The following SEPTIN14 variants were observed in gnomAD, a reference collection of about 807,000 sequenced individuals.
SEPTIN14 encodes septin 14, also known as septin-14.
SEPTIN14 carries 40 observed loss-of-function variants against 53.6 expected under a neutral mutation model. The ratio of observed to expected loss-of-function variants is 0.75; its 90% CI spans 0.58 to 0.97. The LOEUF (loss-of-function observed/expected upper bound fraction) is 0.97. SEPTIN14 is among the 50% of genes least tolerant of loss of function. The pLI, the probability that SEPTIN14 is intolerant of heterozygous loss-of-function variation, is 0.00. For synonymous variants in SEPTIN14, 138 were observed against 166.8 expected, an observed-to-expected ratio of 0.83 and a Z score of 1.33; for missense variants, 471 against 508.2, an observed-to-expected ratio of 0.93 and a Z score of 0.70.
At chr7:55,807,916 G>T (rs1562706655) in intron 7 of SEPTIN14, among the ~76,000 whole-genome samples, 1 of 151,844 alleles carries the variant, frequency 6.6e-6, no homozygotes, top group Non-Finnish European at 1.5e-5. Context: ...TATAAAGAAG[G>T]TCATCATATC....
Position 55,843,063 on chromosome 7 carries a change from A to G in SEPTIN14, c.437T>C (p.Ile146Thr). ...FEAYLQEELKIKRSLFEYHDS... is the reference protein window; with the variant it reads ...FEAYLQEELKTKRSLFEYHDS... ...ATGGTACTCAAACAAGGAACGTTTA[A>G]TCTTCAGTTCTTCTTGAAGATAGGC... Residue 146 changes from isoleucine to threonine, a missense_variant, in exon 5 of 10, where the codon ATT becomes ACT. Coordinates refer to ENST00000388975, the MANE Select transcript of SEPTIN14 (RefSeq NM_207366.3). 1 of 1,608,770 alleles carries G rather than the reference A, an allele frequency of 6.2e-7. No homozygotes were observed.
Position 55,844,707 on chromosome 7 carries a change from T to C in SEPTIN14, c.187A>G (p.Ile63Val). 1.3e-6 allele frequency: 2 copies of C among 1,578,618 alleles called. No individual in the cohort carries two copies. Among genetic ancestry groups the C allele is most frequent in the Non-Finnish European group, 1.7e-6 (2 of 1,155,628 alleles). ...FNILCVGETG[I>V]GKSTLIDTLF... ...GTGTCTATCAGTGTCGATTTTCCAA[T>C]TCCAGTCTCCCCTGTAATAGACATA... The change falls in exon 4 of 10, where the codon ATT (isoleucine) becomes GTT (valine). Residue 63 changes from isoleucine (I) to valine (V), a missense_variant. Ile to Val is a conservative substitution (Grantham distance 29). Coordinates refer to ENST00000388975, the MANE Select transcript of SEPTIN14 (RefSeq NM_207366.3).
At position 55,827,767 on chromosome 7, in the gene SEPTIN14, T is replaced by G. The variant is rs543624190; in HGVS notation, c.720+6658A>C. Among the ~76,000 whole-genome samples the G allele has an allele frequency of 5.3e-5, 8 of 152,286 alleles. 1 individual carries two copies. The South Asian group carries it at 1.7e-3, about 32-fold the overall frequency. On this transcript the variant is annotated intron_variant, in intron 6 of 9. Coordinates refer to ENST00000388975, the MANE Select transcript of SEPTIN14 (RefSeq NM_207366.3). ...GTAAACAAAGATCAAACACACACCA[T>G]CTGCTTCTGCCATAGCTGGCTCTTA... is the stretch of plus-strand genomic sequence containing the variant.
At chr7:55,816,350 T>C (rs898044841) in intron 7 of SEPTIN14, among the ~76,000 whole-genome samples, 28 of 152,096 alleles carry the variant, frequency 1.8e-4, no homozygotes, top group African/African-American at 6.5e-4. Context: ...TAAAAGAGTA[T>C]AGTTGGATTG....
chr7:55,846,443 C>A, intron 3 of SEPTIN14, 74 bp downstream of exon 3: 1 of 1,096,058 alleles, frequency 9.1e-7, no homozygotes, highest in Non-Finnish European at 1.3e-6. Flanking sequence ...ATCAATGTTA[C>A]ACTGCTTAAG....
intron 2 of SEPTIN14, among the ~76,000 whole-genome samples, chr7:55,858,909 G>T (rs913487447): frequency 1.3e-5 from 2 of 152,144 alleles, no homozygotes; most frequent in African/African-American, 4.8e-5. Context: ...TAAAGGCCTG[G>T]TAAAAGAAAA....
At chr7:55,841,952 T>C (rs1208884995) in intron 5 of SEPTIN14, among the ~76,000 whole-genome samples, 6 of 151,920 alleles carry the variant, frequency 3.9e-5, no homozygotes, top group Non-Finnish European at 1.5e-5. Flanking sequence ...AGAGAATCAC[T>C]TGAACCCAGG....
In SEPTIN14 at chr7:55,830,423, T is replaced by G. The variant is rs1256864035; in HGVS notation, c.720+4002A>C. 4.2e-5 allele frequency among the ~76,000 whole-genome samples: 6 copies of G among 141,986 alleles called. No homozygotes were observed. The East Asian group carries it at 1.1e-3, about 26-fold the overall frequency. 93.1% of individuals were successfully genotyped at this position (141,986 alleles called of 152,430 possible). On this transcript the variant is annotated intron_variant, in intron 6 of 9. Transcript: ENST00000388975. ...GTGCAGTGGCGCGATCTCCGCTCAC[T>G]GCAAGCTCCGCCTCTCGGGTTCACG... is the stretch of plus-strand genomic sequence containing the variant.
intron 2 of SEPTIN14, among the ~76,000 whole-genome samples, chr7:55,849,184 G>T (rs911992814): frequency 2.6e-5 from 4 of 151,616 alleles, no homozygotes; most frequent in Non-Finnish European, 4.4e-5. Context: ...AATGAACCCG[G>T]CATGGTGGCA....
intron 7 of SEPTIN14, among the ~76,000 whole-genome samples, chr7:55,814,337 A>T (rs1193801383): frequency 6.6e-6 from 1 of 152,138 alleles, no homozygotes; most frequent in Non-Finnish European, 1.5e-5. Context: ...AGAAAACATG[A>T]CCTCACCAAA....
chr7:55,829,820 CAAAAAAAA>C (rs35998043), intron 6 of SEPTIN14, among the ~76,000 whole-genome samples: 1 of 37,610 alleles, frequency 2.7e-5, no homozygotes, highest in Non-Finnish European at 4.5e-5. Context: ...GACTCCATCT[CAAAAAAAA>C]AAAAAAAAAA....
chr7:55,835,112 C>A (rs1789181563), intron 5 of SEPTIN14, among the ~76,000 whole-genome samples: 1 of 152,096 alleles, frequency 6.6e-6, no homozygotes, highest in African/African-American at 2.4e-5. Flanking sequence ...AACCTTGTTT[C>A]TCTTCTAAAA....
chr7:55,803,958 A>G (rs1373414654), intron 9 of SEPTIN14, among the ~76,000 whole-genome samples: 4 of 136,246 alleles, frequency 2.9e-5, no homozygotes, highest in Non-Finnish European at 6.3e-5. Context: ...CCCCATCTCT[A>G]CTAAAAATAC....
chr7:55,851,132 C>T (rs888437253), intron 2 of SEPTIN14, among the ~76,000 whole-genome samples: 1 of 152,038 alleles, frequency 6.6e-6, no homozygotes, highest in Non-Finnish European at 1.5e-5. Flanking sequence ...AAATTCTATA[C>T]ATGTTAATCA....
chr7:55,843,498 A>G (rs534803634), intron 4 of SEPTIN14, among the ~76,000 whole-genome samples: 7 of 152,212 alleles, frequency 4.6e-5, no homozygotes, highest in Non-Finnish European at 8.8e-5. Context: ...CAAAACCACA[A>G]TGAGATATCA....
intron 6 of SEPTIN14, among the ~76,000 whole-genome samples, chr7:55,832,975 T>TA (rs1789136395): frequency 1.3e-5 from 2 of 152,050 alleles, no homozygotes; most frequent in Non-Finnish European, 2.9e-5. Context: ...GAATCTAAAA[T>TA]AAAAAACAAA....
chr7:55,809,099 G>A (rs1394319873), intron 7 of SEPTIN14, among the ~76,000 whole-genome samples: 2 of 152,062 alleles, frequency 1.3e-5, no homozygotes, highest in Non-Finnish European at 1.5e-5. Flanking sequence ...GAACAAGATC[G>A]TGTCCTTTGC....
Position 55,818,338 on chromosome 7 carries a change from G to A in SEPTIN14, c.817+789C>T, listed in dbSNP as rs191840236. ...AATACAAAAATTAGCCCGGTGTGGCGGCAAGCGCATGTAATCCCAGCTACT... is the reference window on the plus strand; with the variant it reads ...AATACAAAAATTAGCCCGGTGTGGCAGCAAGCGCATGTAATCCCAGCTACT... On this transcript the variant is annotated intron_variant, in intron 7 of 9. Coordinates refer to ENST00000388975, the MANE Select transcript of SEPTIN14 (RefSeq NM_207366.3). Among the ~76,000 whole-genome samples the A allele has an allele frequency of 3.7e-3, 555 of 151,914 alleles. 2 individuals carry two copies. The highest frequency in any genetic ancestry group is 4.3e-3 in the Non-Finnish European group (295 of 67,934).
intron 6 of SEPTIN14, among the ~76,000 whole-genome samples, chr7:55,826,736 G>GAACC (rs1788994284): frequency 6.6e-6 from 1 of 151,538 alleles, no homozygotes; most frequent in African/African-American, 2.4e-5. Context: ...GGTAGAGGTT[G>GAACC]CAGTGAGCCG....
Sources: allele counts gnomAD v4.1 joint callset (sites outside exome capture counted in the v4.1 genomes callset), GRCh38; gene constraint gnomAD v4.1.1; transcripts MANE v1.5; gene names NCBI Gene and HGNC (gene_info 2026-07-23, HGNC 2026-07-21).